The following MYO9A variants were observed in gnomAD, a reference collection of about 807,000 sequenced individuals.
MYO9A encodes myosin IXA, also known as unconventional myosin-IXa.
In MYO9A, 103 loss-of-function variants were observed where a neutral mutation model predicts 293.3. That is an observed-to-expected ratio of 0.35 (90% CI 0.30 to 0.41). MYO9A has a LOEUF of 0.41. Among genes scored for constraint, MYO9A ranks in the 10% least tolerant of loss-of-function variants. MYO9A has a pLI of 1.00. For synonymous variants in MYO9A, 1,001 were observed against 1,035.7 expected, an observed-to-expected ratio of 0.97 and a Z score of 0.64; for missense variants, 2,685 against 3,033.0, an observed-to-expected ratio of 0.89 and a Z score of 2.69.
At chr15:72,026,886 C>A (rs554497202) in intron 4 of MYO9A, among the ~76,000 whole-genome samples, 1 of 152,266 alleles carries the variant, frequency 6.6e-6, no homozygotes, top group Non-Finnish European at 1.5e-5. Context: ...ACTACCAAAT[C>A]TGACCACAGA....
intron 17 of MYO9A, among the ~76,000 whole-genome samples, chr15:71,934,704 G>A (rs2058580153): frequency 6.8e-6 from 1 of 146,954 alleles, no homozygotes; most frequent in Non-Finnish European, 1.5e-5. Context: ...TGGCTCAACT[G>A]ATCCTCCTAC....
chr15:72,102,799 T>A (rs2080402555), intron 1 of MYO9A, among the ~76,000 whole-genome samples: 6 of 151,742 alleles, frequency 4.0e-5, no homozygotes, highest in Admixed American at 3.3e-4. Flanking sequence ...GATGGCCCTA[T>A]AAAGTCCTAT....
intron 16 of MYO9A, among the ~76,000 whole-genome samples, chr15:71,937,176 CAG>C (rs961825764): frequency 1.3e-5 from 2 of 151,938 alleles, no homozygotes; most frequent in African/African-American, 4.8e-5. Flanking sequence ...AAAAAGAAAA[CAG>C]AGGATTCAAA....
chr15:72,026,294 A>G (rs1392188664), intron 4 of MYO9A, among the ~76,000 whole-genome samples: 3 of 118,402 alleles, frequency 2.5e-5, no homozygotes, highest in African/African-American at 9.6e-5. Context: ...AAAAAAAAAA[A>G]AAGAAAGAAA....
At chr15:72,091,270 G>T (rs1407832794) in intron 1 of MYO9A, among the ~76,000 whole-genome samples, 1 of 150,206 alleles carries the variant, frequency 6.7e-6, no homozygotes, top group African/African-American at 2.4e-5. Context: ...CAAATTTACT[G>T]AATTTTACAA....
intron 4 of MYO9A, among the ~76,000 whole-genome samples, chr15:72,023,695 CAA>C (rs368209775): frequency 2.3e-4 from 12 of 51,288 alleles, no homozygotes; most frequent in Admixed American, 6.4e-4. Flanking sequence ...AACTCTGTCT[CAA>C]AAAAAAAAAA....
Position 71,879,718 on chromosome 15 carries a change from C to G in MYO9A, c.5739+3G>C. 6.2e-7 allele frequency: 1 copy of G among 1,600,020 alleles called. No homozygotes were observed. Among genetic ancestry groups the G allele is most frequent in the Non-Finnish European group, 8.6e-7 (1 of 1,167,602 alleles). On this transcript the variant is annotated splice_donor_region_variant and intron_variant, in intron 30 of 41. Coordinates refer to ENST00000356056, the MANE Select transcript of MYO9A (RefSeq NM_006901.4). The stretch of plus-strand genomic sequence containing the variant: ...AAATATCTCCTAACATAGTCCAACT[C>G]ACCGCCAATGCAGATGAATAAAAGC...
rs1455958151 is a variant in MYO9A at position 71,898,299 on chromosome 15, T to G, written c.4204A>C (p.Ile1402Leu). Reference protein sequence around the residue: ...KEMVVCSSESITCKPQLKDSF... With the variant: ...KEMVVCSSESLTCKPQLKDSF... Reference sequence around the variant, plus strand: ...TCTTTCAGCTGTGGTTTACAGGTAATAGACTCAGAACTGCAGACCACCATT... The same window carrying G: ...TCTTTCAGCTGTGGTTTACAGGTAAGAGACTCAGAACTGCAGACCACCATT... The change falls in exon 25 of 42, where the codon ATT becomes CTT. Residue 1402 changes from isoleucine (I) to leucine (L), a missense_variant. Ile to Leu is a conservative substitution (Grantham distance 5). Coordinates refer to ENST00000356056, the MANE Select transcript of MYO9A (RefSeq NM_006901.4). 1 of 1,614,082 alleles carries G rather than the reference T, an allele frequency of 6.2e-7. No individual in the cohort carries two copies. The highest frequency in any genetic ancestry group is 1.1e-5 in the South Asian group (1 of 91,078).
At chr15:72,042,755 T>A (rs2078264293) in intron 2 of MYO9A, among the ~76,000 whole-genome samples, 1 of 151,470 alleles carries the variant, frequency 6.6e-6, no homozygotes, top group Admixed American at 6.6e-5. Context: ...TCCAATGGAA[T>A]CTATAAAAAA....
At chr15:72,106,069 G>C (rs1184639939) in intron 1 of MYO9A, among the ~76,000 whole-genome samples, 1 of 152,162 alleles carries the variant, frequency 6.6e-6, no homozygotes, top group East Asian at 1.9e-4. Context: ...CATATGAAAA[G>C]AGAATACATA....
At chr15:71,971,592 A>G (rs1429303014) in intron 12 of MYO9A, among the ~76,000 whole-genome samples, 1 of 64,524 alleles carries the variant, frequency 1.5e-5, no homozygotes, top group East Asian at 2.4e-4. Flanking sequence ...TCAAAAAAAA[A>G]GAAAAAAAAA....
At chr15:72,021,161 T>G (rs761815258) in intron 4 of MYO9A, 144 bp from the exon 5 acceptor site, 19 of 540,226 alleles carry the variant, frequency 3.5e-5, no homozygotes, top group Non-Finnish European at 5.1e-5. Flanking sequence ...ATTCAGCGTT[T>G]AAGTACTCCT....
At chr15:71,857,812 A>G in intron 34 of MYO9A, among the ~76,000 whole-genome samples, 1 of 152,278 alleles carries the variant, frequency 6.6e-6, no homozygotes. Context: ...CATCAGAGTG[A>G]ACAGGCAACC....
At chr15:72,036,695 CT>C (rs1393873906) in intron 2 of MYO9A, 1 of 152,040 alleles carries the variant, frequency 6.6e-6, no homozygotes, top group Non-Finnish European at 1.5e-5. Flanking sequence ...AAAGGGTACT[CT>C]TTTTGTGTGT....
Position 71,904,928 on chromosome 15 carries a change from T to C in MYO9A, c.2764A>G (p.Lys922Glu). 1 of 1,598,514 alleles carries C rather than the reference T, an allele frequency of 6.3e-7. No homozygotes were observed. The highest frequency in any genetic ancestry group is 2.2e-5 in the East Asian group (1 of 44,492). ...FVKCIRSNAE[K>E]LPLRFSDVLV... Reference sequence around the variant, plus strand: ...TCTCATTTATAGGACATTTTTACCTTTTCAGCATTAGAGCGAATGCATTTT... The same window carrying C: ...TCTCATTTATAGGACATTTTTACCTCTTCAGCATTAGAGCGAATGCATTTT... The change falls in exon 20 of 42, where the codon AAG becomes GAG. Residue 922 changes from lysine to glutamate, a missense_variant and splice_region_variant. By Grantham distance (56) the Lys-to-Glu change is moderately conservative. Coordinates refer to ENST00000356056, the MANE Select transcript of MYO9A (RefSeq NM_006901.4).
intron 1 of MYO9A, among the ~76,000 whole-genome samples, chr15:72,100,813 C>A (rs1039382606): frequency 6.6e-6 from 1 of 151,358 alleles, no homozygotes; most frequent in South Asian, 2.1e-4. Flanking sequence ...GCAGCCACCC[C>A]GTCTGGGAAG....
intron 1 of MYO9A, among the ~76,000 whole-genome samples, chr15:72,107,543 T>C (rs1171204281): frequency 1.3e-5 from 2 of 152,092 alleles, no homozygotes; most frequent in African/African-American, 4.8e-5. Context: ...AGCAAGACTT[T>C]GCCCCTCCCC....
chr15:71,851,228 T>C (rs1357473362), intron 37 of MYO9A, 25 bp downstream of exon 37: 2 of 1,533,332 alleles, frequency 1.3e-6, no homozygotes, highest in East Asian at 2.2e-5. Flanking sequence ...CTATTAAAAA[T>C]CGTTCCCTTG....
At chr15:71,856,241 G>A (rs770548147) in intron 34 of MYO9A, among the ~76,000 whole-genome samples, 1 of 152,082 alleles carries the variant, frequency 6.6e-6, no homozygotes, top group Non-Finnish European at 1.5e-5. Flanking sequence ...AACACAGGAG[G>A]CAGAGGTTGC....
Sources: allele counts gnomAD v4.1 joint callset (sites outside exome capture counted in the v4.1 genomes callset), GRCh38; gene constraint gnomAD v4.1.1; transcripts MANE v1.5; gene names NCBI Gene and HGNC (gene_info 2026-07-23, HGNC 2026-07-21).